GRM3: variants seen among roughly 807,000 people sequenced by gnomAD.
GRM3 encodes glutamate metabotropic receptor 3.
In GRM3, 26 loss-of-function variants were observed where a neutral mutation model predicts 70.5. That is an observed-to-expected ratio of 0.37 (90% confidence interval 0.27 to 0.51). The LOEUF (loss-of-function observed/expected upper bound fraction) is 0.51. GRM3 is among the 20% of genes least tolerant of loss of function. The pLI is 0.93. For synonymous variants in GRM3, 443 were observed against 434.9 expected, an observed-to-expected ratio of 1.02 and a Z score of -0.23; for missense variants, 859 against 1,123.8, an observed-to-expected ratio of 0.76 and a Z score of 3.37.
intron 4 of GRM3, among the ~76,000 whole-genome samples, chr7:86,845,923 T>C (rs1399234131): frequency 6.6e-6 from 1 of 152,202 alleles, no homozygotes; most frequent in Non-Finnish European, 1.5e-5. Flanking sequence ...ACTCATGGCT[T>C]GTTCACTTAA....
intron 1 of GRM3, among the ~76,000 whole-genome samples, chr7:86,707,977 A>G (rs1394687960): frequency 1.3e-5 from 2 of 152,126 alleles, no homozygotes; most frequent in East Asian, 3.9e-4. Flanking sequence ...AAAAAATGAG[A>G]AGCGTGAATT....
chr7:86,728,396 T>G (rs1022622137), intron 1 of GRM3, among the ~76,000 whole-genome samples: 35 of 152,250 alleles, frequency 2.3e-4, no homozygotes, highest in African/African-American at 8.2e-4. Flanking sequence ...TTCATAGTTT[T>G]GGACCATCAC....
At chr7:86,727,335 A>G (rs886543943) in intron 1 of GRM3, among the ~76,000 whole-genome samples, 1 of 152,132 alleles carries the variant, frequency 6.6e-6, no homozygotes, top group African/African-American at 2.4e-5. Context: ...AGCCCCATTC[A>G]TATATATTCC....
intron 1 of GRM3, among the ~76,000 whole-genome samples, chr7:86,691,717 G>A (rs1195434164): frequency 2.1e-4 from 32 of 152,288 alleles, no homozygotes; most frequent in Admixed American, 6.5e-5. Context: ...CCTTATGAAA[G>A]TATAAGCTTG....
At chr7:86,718,211 A>G (rs985066576) in intron 1 of GRM3, among the ~76,000 whole-genome samples, 24 of 152,074 alleles carry the variant, frequency 1.6e-4, no homozygotes, top group South Asian at 2.1e-4. Flanking sequence ...TCAGTCTGGC[A>G]TTTATCTTGG....
intron 2 of GRM3, among the ~76,000 whole-genome samples, chr7:86,777,426 A>C (rs998563430): frequency 6.6e-6 from 1 of 152,156 alleles, no homozygotes; most frequent in African/African-American, 2.4e-5. Flanking sequence ...TGGAATGTCC[A>C]TGTGAAATCA....
At position 86,864,599 on chromosome 7, in the gene GRM3, A is replaced by G; in HGVS notation, c.*244A>G. 3.1e-6 allele frequency: 1 copy of G among 325,834 alleles called. No individual in the cohort carries two copies. The highest frequency in any genetic ancestry group is 9.0e-5 in the South Asian group (1 of 11,148). The allele number at this position is 325,834 out of a possible 1,614,324, so 20.2% of individuals were successfully genotyped here. A position where few individuals can be genotyped will look rare whatever the true frequency, so the allele number is the denominator to read the frequency against. ...ATAACCATTGTTTACAGAGCTGAGCATTGGTGACAGGGTCTGACATGGTCA... is the reference window on the plus strand; with the variant it reads ...ATAACCATTGTTTACAGAGCTGAGCGTTGGTGACAGGGTCTGACATGGTCA... On this transcript the variant is annotated 3_prime_UTR_variant, in exon 6 of 6. Coordinates refer to ENST00000361669, the MANE Select transcript of GRM3 (RefSeq NM_000840.3).
chr7:86,798,513 G>T (rs947832284), intron 3 of GRM3, among the ~76,000 whole-genome samples: 2 of 152,106 alleles, frequency 1.3e-5, no homozygotes, highest in African/African-American at 4.8e-5. Flanking sequence ...ATTTGAAATG[G>T]GTGTGTATAA....
chr7:86,707,174 T>C (rs1795079153), intron 1 of GRM3, among the ~76,000 whole-genome samples: 1 of 152,098 alleles, frequency 6.6e-6, no homozygotes, highest in Non-Finnish European at 1.5e-5. Context: ...TGATAACATT[T>C]TTTCCTATAG....
intron 3 of GRM3, among the ~76,000 whole-genome samples, chr7:86,818,470 T>C (rs2214010): frequency 0.053 from 8,123 of 152,130 alleles, 689 homozygotes; most frequent in African/African-American, 0.18. Context: ...ACTAGTCACA[T>C]GGCTCCACCT....
intron 1 of GRM3, among the ~76,000 whole-genome samples, chr7:86,713,253 C>A (rs1368843612): frequency 6.6e-6 from 1 of 151,944 alleles, no homozygotes; most frequent in Non-Finnish European, 1.5e-5. Context: ...TTTTCATATA[C>A]CTGTTAGCCT....
intron 1 of GRM3, among the ~76,000 whole-genome samples, chr7:86,746,344 TATATATATATA>T (rs1796103255): frequency 4.4e-4 from 23 of 51,994 alleles, no homozygotes; most frequent in Admixed American, 1.0e-3. Flanking sequence ...TCATGTATTA[TATATATATATA>T]TATATATATA....
At position 86,833,439 on chromosome 7, in the gene GRM3, T is replaced by A. The variant is rs189695341; in HGVS notation, c.1325-5400T>A. On this transcript the variant is annotated intron_variant, in intron 3 of 5. Transcript: ENST00000361669. ...TAAAGAAAAAAAAGAACTATACAAC[T>A]GATTGTTGGAGAATCATGGTTTCAG... 4.6e-5 allele frequency among the ~76,000 whole-genome samples: 7 copies of A among 152,284 alleles called. No homozygotes were observed. The East Asian group carries it at 1.3e-3, about 29-fold the overall frequency.
intron 3 of GRM3, among the ~76,000 whole-genome samples, chr7:86,822,455 T>A (rs1482832252): frequency 6.6e-6 from 1 of 152,004 alleles, no homozygotes; most frequent in Non-Finnish European, 1.5e-5. Context: ...GTGCTGGCCT[T>A]GAAGGATGTG....
chr7:86,861,021 A>G (rs1478711620), intron 5 of GRM3, among the ~76,000 whole-genome samples: 1 of 152,202 alleles, frequency 6.6e-6, no homozygotes, highest in African/African-American at 2.4e-5. Context: ...CATTTTTAGC[A>G]TGCACAGAAA....
chr7:86,644,838 C>G lies in GRM3; in HGVS notation c.-175C>G, dbSNP rs1387357398. On this transcript the variant is annotated 5_prime_UTR_variant, in exon 1 of 6. It introduces an in-frame stop codon into an upstream open reading frame of the 5' UTR. Coordinates refer to ENST00000361669, the MANE Select transcript of GRM3 (RefSeq NM_000840.3). The stretch of plus-strand genomic sequence containing the variant: ...TCACCGCCGCCGCTGCCACCGCGGT[C>G]AGCTCCAGTTCCTGCCAGGAGTTGT... The G allele has an allele frequency of 7.8e-7, 1 of 1,289,492 alleles. No homozygotes were observed. Among genetic ancestry groups the G allele is most frequent in the Admixed American group, 2.3e-5 (1 of 43,552 alleles). The allele number at this position is 1,289,492 out of a possible 1,614,324, so 79.9% of individuals were successfully genotyped here. A position where few individuals can be genotyped will look rare whatever the true frequency, so the allele number is the denominator to read the frequency against.
Position 86,654,636 on chromosome 7 carries a change from C to T in GRM3, c.-141+9764C>T, listed in dbSNP as rs149749829. 2.4e-4 allele frequency among the ~76,000 whole-genome samples: 36 copies of T among 152,344 alleles called. No individual in the cohort carries two copies. In the East Asian group the frequency reaches 6.7e-3, roughly 29 times the overall value. ...TGGAACTGCCCATGACATTTTTCTT[C>T]TGTTTAGTCCTCTGTTGATTCCTTC... On this transcript the variant is annotated intron_variant, in intron 1 of 5. Coordinates refer to ENST00000361669, the MANE Select transcript of GRM3 (RefSeq NM_000840.3).
chr7:86,654,279 G>C (rs1793678290), intron 1 of GRM3, among the ~76,000 whole-genome samples: 2 of 152,148 alleles, frequency 1.3e-5, no homozygotes, highest in South Asian at 2.1e-4. Flanking sequence ...CTTAGTAGCT[G>C]ACTTCATGAA....
At chr7:86,680,375 A>G (rs1794414577) in intron 1 of GRM3, among the ~76,000 whole-genome samples, 1 of 142,984 alleles carries the variant, frequency 7.0e-6, no homozygotes, top group Non-Finnish European at 1.5e-5. Context: ...TGTGAAGAAC[A>G]CTTTCAGACA....
Sources: allele counts gnomAD v4.1 joint callset (sites outside exome capture counted in the v4.1 genomes callset), GRCh38; gene constraint gnomAD v4.1.1; transcripts MANE v1.5; gene names NCBI Gene and HGNC (gene_info 2026-07-23, HGNC 2026-07-21).